The following DRGX variants were observed in gnomAD, a reference collection of about 807,000 sequenced individuals.
DRGX encodes dorsal root ganglia homeobox protein.
In DRGX, 21 loss-of-function variants were observed where a neutral mutation model predicts 28.6. The ratio of observed to expected loss-of-function variants is 0.73; its 90% CI spans 0.52 to 1.06. DRGX has a LOEUF of 1.06. DRGX is among the 50% of genes least tolerant of loss of function. The pLI, the probability that DRGX is intolerant of heterozygous loss-of-function variation, is 0.00. For missense variants in DRGX, 354 were observed against 343.9 expected (o/e 1.03, Z -0.23); for synonymous variants, 136 against 139.1 (o/e 0.98, Z 0.16).
chr10:49,364,083 A>G lies in DRGX; in HGVS notation c.*2033T>C, dbSNP rs1002101632. On this transcript the variant is annotated 3_prime_UTR_variant, in exon 7 of 7. Coordinates refer to ENST00000374139, the MANE Select transcript of DRGX (RefSeq NM_001276451.2). ...TTTCGGTCTTTGTTTTAACTCCTCT[A>G]AATTTATTTGGGTATTTAAACAAAC... The G allele has an allele frequency of 6.6e-6, 1 of 152,166 alleles. No individual in the cohort carries two copies. The highest frequency in any genetic ancestry group is 1.5e-5 in the Non-Finnish European group (1 of 68,028). 9.4% of individuals were successfully genotyped at this position (152,166 alleles called of 1,614,324 possible).
At chr10:49,371,310 T>C (rs1010492092) in intron 6 of DRGX, among the ~76,000 whole-genome samples, 6 of 152,112 alleles carry the variant, frequency 3.9e-5, no homozygotes, top group African/African-American at 1.4e-4. Flanking sequence ...AAATAGCTAC[T>C]GAGTAAAAAT....
intron 6 of DRGX, among the ~76,000 whole-genome samples, chr10:49,383,814 C>A (rs1010021844): frequency 6.6e-6 from 1 of 152,224 alleles, no homozygotes; most frequent in African/African-American, 2.4e-5. Context: ...ACCCTGCTGG[C>A]GTCCTGATCG....
chr10:49,387,000 A>G, intron 4 of DRGX, 142 bp from the exon 5 acceptor site: 1 of 958,294 alleles, frequency 1.0e-6, no homozygotes, highest in Non-Finnish European at 1.5e-6. Context: ...CGTCAGGCCC[A>G]CAGAGGGGTC....
At chr10:49,378,944 A>G (rs943295130) in intron 6 of DRGX, among the ~76,000 whole-genome samples, 14 of 152,218 alleles carry the variant, frequency 9.2e-5, no homozygotes, top group African/African-American at 3.1e-4. Context: ...AGTTCAAAAA[A>G]GTCAAGACTA....
At chr10:49,366,851 T>G (rs1167197887) in intron 6 of DRGX, among the ~76,000 whole-genome samples, 1 of 152,252 alleles carries the variant, frequency 6.6e-6, no homozygotes, top group Non-Finnish European at 1.5e-5. Context: ...AGCTGCTGGC[T>G]GCAGGCAGTT....
rs371764815 is a variant in DRGX, at chr10:49,375,858, C to T, written c.527-9477G>A. Among the ~76,000 whole-genome samples, 7 of 152,274 alleles carry T rather than the reference C, an allele frequency of 4.6e-5. No homozygotes were observed. In the South Asian group the frequency reaches 6.2e-4, roughly 14 times the overall value. ...ACACAACCCTCCCTCCTTCCAGCAG[C>T]AGCCAGAGCTCGGCATGGGCAGGCT... On this transcript the variant is annotated intron_variant, in intron 6 of 6. Transcript: ENST00000374139.
chr10:49,382,005 AG>A (rs1316078653), intron 6 of DRGX, among the ~76,000 whole-genome samples: 2 of 151,718 alleles, frequency 1.3e-5, no homozygotes. Context: ...CTGGACTAGA[AG>A]GGGCCCCAGG....
At chr10:49,378,485 A>T (rs1009721760) in intron 6 of DRGX, among the ~76,000 whole-genome samples, 8 of 152,244 alleles carry the variant, frequency 5.3e-5, no homozygotes, top group Non-Finnish European at 8.8e-5. Flanking sequence ...AATTTATTGT[A>T]GTGATGGTGA....
intron 4 of DRGX, among the ~76,000 whole-genome samples, chr10:49,389,512 G>A (rs1453415960): frequency 2.6e-5 from 4 of 152,136 alleles, no homozygotes; most frequent in Non-Finnish European, 5.9e-5. Context: ...TGGGTTCGGC[G>A]GGCAGGTTTG....
chr10:49,370,738 G>T (rs1476012464), intron 6 of DRGX, among the ~76,000 whole-genome samples: 1 of 152,176 alleles, frequency 6.6e-6, no homozygotes. Flanking sequence ...AGCAAACAGG[G>T]GACAAATCTA....
In DRGX at chr10:49,391,256, C is replaced by T. The variant is rs765419927; in HGVS notation, c.40G>A (p.Ala14Thr). Reference sequence around the variant, plus strand: ...CCCGAAGAGTGATTGCCAAAGGTTGCAGTGCCTACCAAGAGCAAACTGATC... The same window carrying T: ...CCCGAAGAGTGATTGCCAAAGGTTGTAGTGCCTACCAAGAGCAAACTGATC... ...FHCPPQLEGT[A>T]TFGNHSSGDF... Residue 14 changes from alanine (A) to threonine (T), a missense_variant, in exon 3 of 7, where the codon GCA (alanine) becomes ACA (threonine). By Grantham distance (58) the Ala-to-Thr change is moderately conservative (BLOSUM62 0). Coordinates refer to ENST00000374139, the MANE Select transcript of DRGX (RefSeq NM_001276451.2). 6.2e-7 allele frequency: 1 copy of T among 1,609,002 alleles called. No homozygotes were observed.
intron 6 of DRGX, among the ~76,000 whole-genome samples, chr10:49,375,566 G>A (rs535858960): frequency 3.3e-5 from 5 of 152,168 alleles, no homozygotes; most frequent in South Asian, 4.2e-4. Context: ...AATCCCACCC[G>A]TCCCTTAATT....
chr10:49,386,582 C>A lies in DRGX; in HGVS notation c.422G>T (p.Arg141Leu). The change falls in exon 6 of 7, where the codon CGA becomes CTA. Residue 141 changes from arginine (R) to leucine (L), a missense_variant. Coordinates refer to ENST00000374139, the MANE Select transcript of DRGX (RefSeq NM_001276451.2). ...EALEAQQSLGRTVGPAGPFFP... is the reference protein window; with the variant it reads ...EALEAQQSLGLTVGPAGPFFP... ...GAAAGGCCCTGCAGGACCTACCGTT[C>A]GCCCCAGGCTGGCAAAGGAAGGAGA... The A allele has an allele frequency of 6.3e-7, 1 of 1,593,398 alleles. No homozygotes were observed. Among genetic ancestry groups the A allele is most frequent in the East Asian group, 2.3e-5 (1 of 43,934 alleles).
intron 6 of DRGX, among the ~76,000 whole-genome samples, chr10:49,379,239 A>T (rs181142158): frequency 6.6e-6 from 1 of 152,332 alleles, no homozygotes; most frequent in East Asian, 1.9e-4. Context: ...AAGTCAGCAG[A>T]GCGGTGTCTT....
At chr10:49,390,111 A>C in intron 4 of DRGX, 22 bp downstream of exon 4, 1 of 1,578,132 alleles carries the variant, frequency 6.3e-7, no homozygotes, top group Non-Finnish European at 8.6e-7. Flanking sequence ...TAGAGAGTTA[A>C]ATAATTAAAA....
At chr10:49,382,383 G>A (rs548951990) in intron 6 of DRGX, among the ~76,000 whole-genome samples, 4 of 152,128 alleles carry the variant, frequency 2.6e-5, no homozygotes, top group East Asian at 3.9e-4. Flanking sequence ...GCTAGTCCCC[G>A]AGTTGGCTAG....
chr10:49,367,650 T>C (rs1235995644), intron 6 of DRGX, among the ~76,000 whole-genome samples: 2 of 152,192 alleles, frequency 1.3e-5, no homozygotes, highest in Admixed American at 6.5e-5. Context: ...ACGTGTTGCC[T>C]CTTGGCTGCT....
In DRGX at chr10:49,385,886, A is replaced by G. The variant is rs1332375160; in HGVS notation, c.526+592T>C. On this transcript the variant is annotated intron_variant, in intron 6 of 6. Coordinates refer to ENST00000374139, the MANE Select transcript of DRGX (RefSeq NM_001276451.2). ...GGGGCCAGAATCTGAGAAACACTGG[A>G]TAAGCCCATTCCAGTGAGTCTGCTC... 2.0e-5 allele frequency among the ~76,000 whole-genome samples: 3 copies of G among 152,162 alleles called. No homozygotes were observed. In the East Asian group the frequency reaches 5.8e-4, roughly 29 times the overall value.
chr10:49,393,713 G>A (rs543488277), intron 2 of DRGX, among the ~76,000 whole-genome samples: 1 of 152,306 alleles, frequency 6.6e-6, no homozygotes, highest in East Asian at 1.9e-4. Context: ...CTGCAAAACT[G>A]GCATAGAATC....
Sources: allele counts gnomAD v4.1 joint callset (sites outside exome capture counted in the v4.1 genomes callset), GRCh38; gene constraint gnomAD v4.1.1; transcripts MANE v1.5; gene names NCBI Gene and HGNC (gene_info 2026-07-23, HGNC 2026-07-21).